Variants in TSKU observed in about 807,000 individuals in gnomAD.
TSKU encodes the protein tsukushi.
TSKU carries 4 observed loss-of-function variants against 11.2 expected under a neutral mutation model. The observed-to-expected ratio is 0.36, with a 90% CI of 0.18 to 0.82. The LOEUF is 0.82. TSKU is among the 40% of genes least tolerant of loss of function. TSKU has a pLI of 0.50. For missense variants in TSKU, 407 were observed against 482.5 expected, an observed-to-expected ratio of 0.84 and a Z score of 1.47; for synonymous variants, 220 against 232.2, an observed-to-expected ratio of 0.95 and a Z score of 0.48.
chr11:76,789,733 G>T (rs533931412), intron 1 of TSKU, among the ~76,000 whole-genome samples: 11 of 152,216 alleles, frequency 7.2e-5, no homozygotes, highest in Non-Finnish European at 1.6e-4. Flanking sequence ...TTGACTGAAA[G>T]ATCCCTTTCT....
At chr11:76,790,445 C>T (rs1944355995) in intron 1 of TSKU, among the ~76,000 whole-genome samples, 1 of 152,230 alleles carries the variant, frequency 6.6e-6, no homozygotes, top group African/African-American at 2.4e-5. Flanking sequence ...CGAACGATCT[C>T]TAGCCCTTGC....
Position 76,796,787 on chromosome 11 carries a change from T to TTC in TSKU, c.*109_*110insTC. ...CACCAGTGGGGAGCCCGCAGGCCTA[T>TTC]GTGGCAGCGTCACCACAGGAGTTGT... On this transcript the variant is annotated 3_prime_UTR_variant, in exon 2 of 2. Transcript: ENST00000333090. The surrounding 1 kb of genome is among the most constrained non-coding windows in gnomAD (Gnocchi z 4.1). The TTC allele has an allele frequency of 1.2e-6, 1 of 820,558 alleles. No homozygotes were observed. Among genetic ancestry groups the TTC allele is most frequent in the Admixed American group, 3.6e-5 (1 of 27,468 alleles). 50.8% of individuals were successfully genotyped at this position (820,558 alleles called of 1,614,324 possible). A position where few individuals can be genotyped will look rare whatever the true frequency, so the allele number is the denominator to read the frequency against.
chr11:76,785,749 C>T (rs1565126130), intron 1 of TSKU, among the ~76,000 whole-genome samples: 2 of 152,052 alleles, frequency 1.3e-5, no homozygotes, highest in Non-Finnish European at 2.9e-5. Context: ...CAGCAGGGTG[C>T]GGTTGGTAAT....
At chr11:76,794,004 C>A (rs548083783) in intron 1 of TSKU, among the ~76,000 whole-genome samples, 4 of 152,166 alleles carry the variant, frequency 2.6e-5, no homozygotes, top group African/African-American at 4.8e-5. Flanking sequence ...TCTCCTCCCC[C>A]TCTCTCACCT....
intron 1 of TSKU, among the ~76,000 whole-genome samples, chr11:76,788,297 C>T (rs752574314): frequency 2.0e-5 from 3 of 151,616 alleles, no homozygotes; most frequent in South Asian, 4.2e-4. Flanking sequence ...TTGTCGAGGG[C>T]GGTGGGGGGA....
rs557395172 is a variant in TSKU, at chr11:76,790,436, G to T, written c.-8-5173G>T. 8.5e-5 allele frequency among the ~76,000 whole-genome samples: 13 copies of T among 152,302 alleles called. No homozygotes were observed. The East Asian group carries it at 2.5e-3, about 29-fold the overall frequency. On this transcript the variant is annotated intron_variant, in intron 1 of 1. Coordinates refer to ENST00000333090, the MANE Select transcript of TSKU (RefSeq NM_015516.4). ...TGGTGCTGTGCTGGGTGTTTCACAC[G>T]AACGATCTCTAGCCCTTGCGGCAAC...
chr11:76,784,613 C>G (rs1041385724), intron 1 of TSKU, among the ~76,000 whole-genome samples: 1 of 152,158 alleles, frequency 6.6e-6, no homozygotes, highest in Admixed American at 6.5e-5. Flanking sequence ...CCTCTGGAGC[C>G]GGGCGGAGAG....
intron 1 of TSKU, chr11:76,784,068 A>AG (rs1306203486): frequency 7.2e-5 from 11 of 152,278 alleles, no homozygotes; most frequent in Non-Finnish European, 1.3e-4. Flanking sequence ...AGGGGCTGCG[A>AG]CGGGATTGGT....
chr11:76,795,852 C>T lies in TSKU; in HGVS notation c.236C>T (p.Ala79Val), dbSNP rs763483493. Residue 79 changes from alanine to valine, a missense_variant, in exon 2 of 2, where the codon GCG (alanine) becomes GTG (valine). Physicochemically the swap from Ala to Val is moderately conservative, Grantham distance 64. Transcript: ENST00000333090. Reference protein sequence around the residue: ...RLEMVNESVLAGPGYTTLAGL... With the variant: ...RLEMVNESVLVGPGYTTLAGL... ...GAGATGGTGAATGAGTCGGTGTTGG[C>T]GGGGCCGGGCTACACGACGTTGGCT... is the stretch of plus-strand genomic sequence containing the variant. The T allele has an allele frequency of 1.4e-5, 23 of 1,613,792 alleles. No homozygotes were observed. Among genetic ancestry groups the T allele is most frequent in the Middle Eastern group, 3.3e-4 (2 of 6,084 alleles).
intron 1 of TSKU, among the ~76,000 whole-genome samples, chr11:76,784,673 ATTC>A (rs776215129): frequency 7.7e-4 from 104 of 135,644 alleles, no homozygotes; most frequent in Non-Finnish European, 1.3e-3. Flanking sequence ...AAGACCTTCG[ATTC>A]TTCTTTCATC....
intron 1 of TSKU, among the ~76,000 whole-genome samples, chr11:76,785,259 G>A (rs1944300539): frequency 6.6e-6 from 1 of 152,230 alleles, no homozygotes; most frequent in Non-Finnish European, 1.5e-5. Context: ...GTAAAGTCCA[G>A]ATCAGTCTTC....
In TSKU at chr11:76,796,010, C is replaced by T. The variant is rs1330691029; in HGVS notation, c.394C>T (p.Pro132Ser). 8 of 1,613,998 alleles carry T rather than the reference C, an allele frequency of 5.0e-6. No individual in the cohort carries two copies. Among genetic ancestry groups the T allele is most frequent in the Non-Finnish European group, 6.8e-6 (8 of 1,180,034 alleles). ...ALPAESFTSS[P>S]LSDVNLSHNQ... is the part of the protein sequence containing the mutation. Reference sequence around the variant, plus strand: ...GCCAGCCGAGAGCTTCACCAGCTCACCCCTGAGCGACGTGAACCTTAGCCA... The same window carrying T: ...GCCAGCCGAGAGCTTCACCAGCTCATCCCTGAGCGACGTGAACCTTAGCCA... Residue 132 changes from proline to serine, a missense_variant, in exon 2 of 2, where the codon CCC (proline) becomes TCC (serine). Physicochemically the swap from Pro to Ser is moderately conservative, Grantham distance 74. Coordinates refer to ENST00000333090, the MANE Select transcript of TSKU (RefSeq NM_015516.4). The surrounding 1 kb of genome is among the most constrained non-coding windows in gnomAD (Gnocchi z 4.1).
In TSKU at chr11:76,797,815, G is replaced by A. The variant is rs1413076432; in HGVS notation, c.*1137G>A. 4 of 167,102 alleles carry A rather than the reference G, an allele frequency of 2.4e-5. No individual in the cohort carries two copies. The highest frequency in any genetic ancestry group is 4.8e-5 in the African/African-American group (2 of 41,454). The allele number at this position is 167,102 out of a possible 1,614,324, so 10.4% of individuals were successfully genotyped here. On this transcript the variant is annotated 3_prime_UTR_variant, in exon 2 of 2. Transcript: ENST00000333090. ...CCCCCAGGGTAGCATCTCAGCTTCC[G>A]AACCCTGGGCTGTTTCCTTAGTCTT...
Position 76,795,930 on chromosome 11 carries a change from C to T in TSKU, c.314C>T (p.Ser105Phe). 1.9e-6 allele frequency: 3 copies of T among 1,614,000 alleles called. No homozygotes were observed. The highest frequency in any genetic ancestry group is 2.5e-6 in the Non-Finnish European group (3 of 1,180,040). Reference protein sequence around the residue: ...LLTSISPTAFSRLRYLESLDL... With the variant: ...LLTSISPTAFFRLRYLESLDL... The stretch of plus-strand genomic sequence containing the variant: ...ACCAGCATCTCACCCACTGCCTTCT[C>T]CCGCCTTCGCTACCTGGAGTCGCTT... Residue 105 changes from serine to phenylalanine, a missense_variant, in exon 2 of 2, where the codon TCC (serine) becomes TTC (phenylalanine). Transcript: ENST00000333090.
rs749986558 is a variant in TSKU at position 76,796,146 on chromosome 11, C to T, written c.530C>T (p.Thr177Met). 5.2e-5 allele frequency: 84 copies of T among 1,613,694 alleles called. No homozygotes were observed. In the East Asian group the frequency reaches 1.0e-3, roughly 20 times the overall value. ...ATTCACCGCCTCGTGCCCCACCCCA[C>T]GAGGGCCGGCCTGCCTGCGCCCACC... ...NLIHRLVPHP[T>M]RAGLPAPTIQ... is the part of the protein sequence containing the mutation. Residue 177 changes from threonine to methionine, a missense_variant, in exon 2 of 2, where the codon ACG becomes ATG. Transcript: ENST00000333090. This position sits in a 1 kb window ranked among gnomAD's most constrained non-coding sequence, Gnocchi z 4.1.
intron 1 of TSKU, among the ~76,000 whole-genome samples, chr11:76,791,106 C>T (rs544144601): frequency 6.6e-6 from 1 of 152,246 alleles, no homozygotes; most frequent in African/African-American, 2.4e-5. Flanking sequence ...TTTGCTCCTG[C>T]CCTAGAGATT....
chr11:76,796,072 G>A lies in TSKU; in HGVS notation c.456G>A (p.Thr152=), dbSNP rs1169272055. Residue 152 remains threonine, a synonymous_variant, in exon 2 of 2, where the codon ACG becomes ACA. Coordinates refer to ENST00000333090, the MANE Select transcript of TSKU (RefSeq NM_015516.4). The surrounding 1 kb of genome is among the most constrained non-coding windows in gnomAD (Gnocchi z 4.1). ...GGGAGGTCTCAGTGTCTGCCTTCAC[G>A]ACGCACAGTCAGGGCCGGGCACTAC... ...QLREVSVSAF[T]THSQGRALHV... is the part of the protein sequence containing the mutation. 13 of 1,613,814 alleles carry A rather than the reference G, an allele frequency of 8.1e-6. No individual in the cohort carries two copies. In the African/African-American group the frequency reaches 1.3e-4, roughly 17 times the overall value.
In TSKU at chr11:76,795,693, G is replaced by A; in HGVS notation, c.77G>A (p.Cys26Tyr). The change falls in exon 2 of 2, where the codon TGC becomes TAC. Residue 26 changes from cysteine to tyrosine, a missense_variant. Transcript: ENST00000333090. ...CGGCCATGCTTCCCCGGGTGCCAAT[G>A]CGAGGTGGAGACCTTCGGCCTTTTC... ...TTRPCFPGCQ[C>Y]EVETFGLFDS... The A allele has an allele frequency of 6.2e-7, 1 of 1,614,128 alleles. No individual in the cohort carries two copies. Among genetic ancestry groups the A allele is most frequent in the Non-Finnish European group, 8.5e-7 (1 of 1,180,046 alleles).
chr11:76,788,335 C>T (rs533534513), intron 1 of TSKU, among the ~76,000 whole-genome samples: 1 of 152,086 alleles, frequency 6.6e-6, no homozygotes, highest in South Asian at 2.1e-4. Context: ...ACCAGAGATG[C>T]TGTAGTGCAG....
Sources: allele counts gnomAD v4.1 joint callset (sites outside exome capture counted in the v4.1 genomes callset), GRCh38; gene constraint gnomAD v4.1.1; non-coding constraint Gnocchi (gnomAD v3.1); transcripts MANE v1.5; gene names NCBI Gene and HGNC (gene_info 2026-07-23, HGNC 2026-07-21).